PLCH1: variants seen among roughly 807,000 people sequenced by gnomAD.
The protein encoded by PLCH1 is phospholipase C eta 1.
A neutral mutation model predicts 126.7 loss-of-function variants in PLCH1; 60 were observed. That is an observed-to-expected ratio of 0.47 (90% CI 0.38 to 0.59). The LOEUF (loss-of-function observed/expected upper bound fraction) is 0.59, where lower values mean the gene tolerates loss of function less well. Ranked by LOEUF, PLCH1 falls within the 20% of genes least tolerant of loss-of-function variation. The pLI, the probability that PLCH1 is intolerant of heterozygous loss-of-function variation, is 0.00. For synonymous variants in PLCH1, 719 were observed against 734.9 expected, an observed-to-expected ratio of 0.98 and a Z score of 0.35; for missense variants, 1,723 against 2,040.0, an observed-to-expected ratio of 0.84 and a Z score of 2.99.
intron 2 of PLCH1, among the ~76,000 whole-genome samples, chr3:155,702,543 C>T (rs1167106340): frequency 6.6e-6 from 1 of 151,976 alleles, no homozygotes; most frequent in East Asian, 1.9e-4. Context: ...GGTCATCAAG[C>T]CCTTAGCATA....
chr3:155,740,544 T>C lies in PLCH1; in HGVS notation c.-41+4296A>G, dbSNP rs1288712538. On this transcript the variant is annotated intron_variant, in intron 1 of 22. Transcript: ENST00000460012. ...TATAGCAGTTTCATATAGTTGGAAA[T>C]AGCAAATCTAGGGCAAGGATTCGAG... Among the ~76,000 whole-genome samples, 3 of 152,164 alleles carry C rather than the reference T, an allele frequency of 2.0e-5. No homozygotes were observed. In the East Asian group the frequency reaches 5.8e-4, roughly 29 times the overall value.
At chr3:155,670,672 G>A (rs751541660) in intron 2 of PLCH1, among the ~76,000 whole-genome samples, 8 of 151,978 alleles carry the variant, frequency 5.3e-5, no homozygotes, top group Non-Finnish European at 8.8e-5. Flanking sequence ...TTTCCCTTGG[G>A]CTGTGTAATC....
At chr3:155,665,255 G>T (rs1742597518) in intron 2 of PLCH1, among the ~76,000 whole-genome samples, 1 of 152,104 alleles carries the variant, frequency 6.6e-6, no homozygotes. Flanking sequence ...ATTAGACTGG[G>T]AAAGCAGTAA....
intron 7 of PLCH1, among the ~76,000 whole-genome samples, chr3:155,567,520 T>C (rs911524748): frequency 6.6e-6 from 1 of 152,240 alleles, no homozygotes; most frequent in Non-Finnish European, 1.5e-5. Context: ...AGATAAACCA[T>C]GGCTTTGCAT....
At chr3:155,732,439 C>A (rs1161708589) in intron 1 of PLCH1, among the ~76,000 whole-genome samples, 2 of 151,184 alleles carry the variant, frequency 1.3e-5, no homozygotes, top group African/African-American at 4.9e-5. Context: ...GTAATCCCAG[C>A]ACTTTGGGAG....
At chr3:155,521,355 C>G (rs1721083871) in intron 11 of PLCH1, among the ~76,000 whole-genome samples, 1 of 152,146 alleles carries the variant, frequency 6.6e-6, no homozygotes, top group African/African-American at 2.4e-5. Flanking sequence ...CCTCCAATAC[C>G]TACAACAATG....
At position 155,511,852 on chromosome 3, in the gene PLCH1, G is replaced by A. The variant is rs1313450460; in HGVS notation, c.1632+2871C>T. Among the ~76,000 whole-genome samples, 9 of 151,960 alleles carry A rather than the reference G, an allele frequency of 5.9e-5. No homozygotes were observed. The South Asian group carries it at 6.2e-4, about 11-fold the overall frequency. On this transcript the variant is annotated intron_variant, in intron 12 of 22. Transcript: ENST00000460012. ...GAGGTGGAGCCTACAGAGGCAGGCA[G>A]GCCTCCTTGAGTTGTGGTGGGCTCC...
rs143074821 is a variant in PLCH1, at chr3:155,626,129, G to C, written c.80-29751C>G. On this transcript the variant is annotated intron_variant, in intron 2 of 22. Coordinates refer to ENST00000460012, the MANE Select transcript of PLCH1 (RefSeq NM_014996.4). ...TTCTCAGCAAACTAACACAGGAACA[G>C]AAAACCAAACACTGCATGTTCTCAT... Among the ~76,000 whole-genome samples, 1,328 of 152,106 alleles carry C rather than the reference G, an allele frequency of 8.7e-3. 14 individuals carry two copies. Among genetic ancestry groups the C allele is most frequent in the African/African-American group, 0.031 (1,275 of 41,514 alleles).
chr3:155,520,537 C>T (rs1224505960), intron 11 of PLCH1, among the ~76,000 whole-genome samples: 2 of 151,928 alleles, frequency 1.3e-5, no homozygotes, highest in South Asian at 2.1e-4. Context: ...TTAGAGAGCA[C>T]AAGATAAAAG....
intron 2 of PLCH1, among the ~76,000 whole-genome samples, chr3:155,662,849 A>C (rs1742324545): frequency 6.6e-6 from 1 of 152,048 alleles, no homozygotes; most frequent in Admixed American, 6.6e-5. Context: ...TTTTTAGTAG[A>C]GATGGGGTTT....
intron 9 of PLCH1, 86 bp downstream of exon 9, chr3:155,553,990 G>A (rs999458519): frequency 4.6e-5 from 60 of 1,311,560 alleles, no homozygotes; most frequent in Non-Finnish European, 6.2e-5. Context: ...GTCCAAGGAA[G>A]AGGATGTGGT....
chr3:155,645,287 G>A (rs1483239794), intron 2 of PLCH1, among the ~76,000 whole-genome samples: 2 of 152,164 alleles, frequency 1.3e-5, no homozygotes, highest in Non-Finnish European at 2.9e-5. Context: ...ACGGCACACT[G>A]CAGTCTCAAA....
intron 10 of PLCH1, among the ~76,000 whole-genome samples, chr3:155,542,235 C>A (rs1206100323): frequency 1.3e-5 from 2 of 152,362 alleles, no homozygotes; most frequent in East Asian, 3.9e-4. Flanking sequence ...GAGATTATAT[C>A]CCGCACCTGG....
At chr3:155,467,445 G>A (rs553939961) in intron 21 of PLCH1, among the ~76,000 whole-genome samples, 5 of 151,934 alleles carry the variant, frequency 3.3e-5, no homozygotes, top group South Asian at 2.1e-4. Flanking sequence ...GTGGTGGTGC[G>A]CACCTGTAAT....
intron 19 of PLCH1, among the ~76,000 whole-genome samples, chr3:155,490,326 A>C (rs1715987842): frequency 1.3e-5 from 2 of 152,208 alleles, no homozygotes; most frequent in Non-Finnish European, 2.9e-5. Flanking sequence ...AATCGTATGT[A>C]AATATTCAAG....
chr3:155,565,687 T>C (rs2108513662), intron 7 of PLCH1, among the ~76,000 whole-genome samples: 1 of 116,290 alleles, frequency 8.6e-6, no homozygotes, highest in Non-Finnish European at 2.0e-5. Flanking sequence ...CTTCTTTATT[T>C]TATTTTATTT....
At chr3:155,472,592 T>A (rs1411805454) in intron 21 of PLCH1, among the ~76,000 whole-genome samples, 2 of 151,868 alleles carry the variant, frequency 1.3e-5, no homozygotes, top group Admixed American at 6.6e-5. Flanking sequence ...GCCAGCATCA[T>A]CCTGATACCA....
In PLCH1 at chr3:155,730,641, C is replaced by T. The variant is rs1160776155; in HGVS notation, c.-41+14199G>A. 2.6e-5 allele frequency among the ~76,000 whole-genome samples: 4 copies of T among 152,130 alleles called. No homozygotes were observed. In the East Asian group the frequency reaches 7.7e-4, roughly 29 times the overall value. On this transcript the variant is annotated intron_variant, in intron 1 of 22. Transcript: ENST00000460012. ...GTATATCCATACAGTGGGAAATATG[C>T]AGCCATTAAATAAGTAAACAAATAA...
In PLCH1 at chr3:155,497,324, ATCCACAATG is replaced by A; in HGVS notation, c.1881_1889del (p.Ile628_Asp630del). On this transcript the variant is annotated inframe_deletion, in exon 15 of 23. Transcript: ENST00000460012. Reference sequence around the variant, plus strand: ...GAGAAAACTCTCCATCCTTACCGTCATCCACAATGTCCTGAGCGGCCACGGAGTTTGTGT... The same window carrying A: ...GAGAAAACTCTCCATCCTTACCGTCATCCTGAGCGGCCACGGAGTTTGTGT... 8 of 1,597,526 alleles carry A rather than the reference ATCCACAATG, an allele frequency of 5.0e-6. No homozygotes were observed. The highest frequency in any genetic ancestry group is 6.9e-6 in the Non-Finnish European group (8 of 1,164,830).
Sources: allele counts gnomAD v4.1 joint callset (sites outside exome capture counted in the v4.1 genomes callset), GRCh38; gene constraint gnomAD v4.1.1; transcripts MANE v1.5; gene names NCBI Gene and HGNC (gene_info 2026-07-23, HGNC 2026-07-21).